The following SLC7A2 variants were observed in gnomAD, a reference collection of about 807,000 sequenced individuals.
SLC7A2 encodes solute carrier family 7 member 2.
In SLC7A2, 48 loss-of-function variants were observed where a neutral mutation model predicts 58.9. That is an observed-to-expected ratio of 0.82 (90% CI 0.65 to 1.04). The LOEUF (loss-of-function observed/expected upper bound fraction) is 1.04, where lower values mean the gene tolerates loss of function less well. Among genes scored for constraint, SLC7A2 ranks in the 50% least tolerant of loss-of-function variants. The pLI is 0.00. For synonymous variants in SLC7A2, 363 were observed against 314.5 expected (o/e 1.15, Z -1.63); for missense variants, 1,029 against 818.8 (o/e 1.26, Z -3.13).
At chr8:17,545,545 G>A (rs190933635) in intron 4 of SLC7A2, among the ~76,000 whole-genome samples, 1,531 of 151,318 alleles carry the variant, frequency 0.01, 17 homozygotes, top group African/African-American at 0.035. Flanking sequence ...CTACAGGTGC[G>A]CGCCACCGCA....
Position 17,567,573 on chromosome 8 carries a change from T to C in SLC7A2, c.*2427T>C, listed in dbSNP as rs1803323775. Reference sequence around the variant, plus strand: ...ATATGTTTGTATGAGTGTATATATATATCTGTGTGTGTGTATCTCTAACGT... The same window carrying C: ...ATATGTTTGTATGAGTGTATATATACATCTGTGTGTGTGTATCTCTAACGT... On this transcript the variant is annotated 3_prime_UTR_variant, in exon 13 of 13. Coordinates refer to ENST00000494857, the MANE Select transcript of SLC7A2 (RefSeq NM_001370338.1). 6.6e-6 allele frequency: 1 copy of C among 152,644 alleles called. No homozygotes were observed. The highest frequency in any genetic ancestry group is 2.4e-5 in the African/African-American group (1 of 41,450). The allele number at this position is 152,644 out of a possible 1,614,324, so 9.5% of individuals were successfully genotyped here.
intron 2 of SLC7A2, among the ~76,000 whole-genome samples, chr8:17,529,523 T>G (rs1801352640): frequency 8.0e-6 from 1 of 124,716 alleles, no homozygotes; most frequent in Admixed American, 8.1e-5. Flanking sequence ...TTTTTGGTTT[T>G]GTTTTTTTGT....
At chr8:17,509,351 G>A (rs897276365) in intron 2 of SLC7A2, among the ~76,000 whole-genome samples, 5 of 152,018 alleles carry the variant, frequency 3.3e-5, no homozygotes, top group African/African-American at 9.7e-5. Context: ...TCTGTCGCCC[G>A]TTGGAGTGCA....
At chr8:17,531,231 G>A (rs935963918) in intron 2 of SLC7A2, among the ~76,000 whole-genome samples, 1 of 152,168 alleles carries the variant, frequency 6.6e-6, no homozygotes, top group African/African-American at 2.4e-5. Flanking sequence ...GGGAGGAAGG[G>A]AGTTTCTCTC....
upstream of SLC7A2, among the ~76,000 whole-genome samples, chr8:17,495,161 T>C (rs1799927002): frequency 6.6e-6 from 1 of 152,260 alleles, no homozygotes; most frequent in Non-Finnish European, 1.5e-5. Context: ...TTTTAATCAA[T>C]GTTGACCAGG....
chr8:17,519,394 A>G (rs945059751), intron 2 of SLC7A2, among the ~76,000 whole-genome samples: 1 of 152,018 alleles, frequency 6.6e-6, no homozygotes, highest in Admixed American at 6.6e-5. Flanking sequence ...ACTTATCAGA[A>G]CTCTTCTGAA....
At chr8:17,513,844 T>C (rs1362409071) in intron 2 of SLC7A2, among the ~76,000 whole-genome samples, 9 of 152,336 alleles carry the variant, frequency 5.9e-5, no homozygotes, top group African/African-American at 2.2e-4. Flanking sequence ...GATTAAGTTA[T>C]AGGTAAGTGG....
chr8:17,543,214 ACAAACAC>A, intron 2 of SLC7A2, 97 bp from the exon 3 acceptor site: 1 of 987,038 alleles, frequency 1.0e-6, no homozygotes, highest in Non-Finnish European at 1.5e-6. Context: ...ACACACACAC[ACAAACAC>A]ACACACACAC....
intron 10 of SLC7A2, among the ~76,000 whole-genome samples, chr8:17,561,183 C>T (rs1802963464): frequency 6.6e-6 from 1 of 152,096 alleles, no homozygotes; most frequent in Non-Finnish European, 1.5e-5. Flanking sequence ...TATTTTTGCA[C>T]ATTAGCAGTC....
At chr8:17,562,653 T>C (rs1164080195) in intron 11 of SLC7A2, among the ~76,000 whole-genome samples, 1 of 152,178 alleles carries the variant, frequency 6.6e-6, no homozygotes, top group African/African-American at 2.4e-5. Flanking sequence ...ATGTTCCTTT[T>C]TGTACAGAAT....
intron 2 of SLC7A2, among the ~76,000 whole-genome samples, chr8:17,537,307 C>G (rs923701400): frequency 6.6e-6 from 1 of 152,174 alleles, no homozygotes; most frequent in African/African-American, 2.4e-5. Context: ...CTCCTCAAGC[C>G]TCCCAAAGTG....
At chr8:17,532,241 A>AACAAAAAAAAC (rs1801485164) in intron 2 of SLC7A2, among the ~76,000 whole-genome samples, 3 of 110,576 alleles carry the variant, frequency 2.7e-5, no homozygotes, top group African/African-American at 3.1e-5. Flanking sequence ...AAAAAAAAAA[A>AACAAAAAAAAC]AAAAAAAAAA....
chr8:17,562,389 G>C (rs1256218860), intron 11 of SLC7A2, among the ~76,000 whole-genome samples: 1 of 151,862 alleles, frequency 6.6e-6, no homozygotes, highest in Non-Finnish European at 1.5e-5. Flanking sequence ...ATTTTTAGAA[G>C]ACATGGGATT....
At chr8:17,534,977 A>G (rs535136504) in intron 2 of SLC7A2, among the ~76,000 whole-genome samples, 13 of 152,076 alleles carry the variant, frequency 8.5e-5, no homozygotes, top group African/African-American at 3.1e-4. Flanking sequence ...AGAGCAGCTA[A>G]GAGTCCCTTG....
chr8:17,494,858 CT>C, upstream of SLC7A2, among the ~76,000 whole-genome samples: 5 of 152,272 alleles, frequency 3.3e-5, no homozygotes, highest in South Asian at 1.0e-3. Flanking sequence ...AGAATTTGCT[CT>C]TTTTTTGCTT....
intron 2 of SLC7A2, among the ~76,000 whole-genome samples, chr8:17,507,799 T>C (rs1015396247): frequency 6.6e-6 from 1 of 152,162 alleles, no homozygotes; most frequent in Non-Finnish European, 1.5e-5. Context: ...TTCAAAGAGA[T>C]ATTTGAAGCT....
Position 17,568,887 on chromosome 8 carries a change from C to T in SLC7A2, c.*3741C>T, listed in dbSNP as rs111552587. On this transcript the variant is annotated 3_prime_UTR_variant, in exon 13 of 13. Coordinates refer to ENST00000494857, the MANE Select transcript of SLC7A2 (RefSeq NM_001370338.1). The stretch of plus-strand genomic sequence containing the variant: ...GCTGAGGTGGGAGGATCGCTTGAGC[C>T]CAGGAGAGTGAGGCTGCAGTGAGCT... The T allele has an allele frequency of 0.06, 9,073 of 152,018 alleles. 368 individuals are homozygous for T. The highest frequency in any genetic ancestry group is 0.088 in the Non-Finnish European group (5,987 of 68,004). 9.4% of individuals were successfully genotyped at this position (152,018 alleles called of 1,614,324 possible).
Position 17,544,593 on chromosome 8 carries a change from A to C in SLC7A2, c.519A>C (p.Ile173=), listed in dbSNP as rs1474861742. The C allele has an allele frequency of 6.2e-7, 1 of 1,613,840 alleles. No individual in the cohort carries two copies. Residue 173 remains isoleucine (I), a synonymous_variant, in exon 4 of 13, where the codon ATA becomes ATC. Transcript: ENST00000494857. ...CCGATTTTTTTGCTGTGTGCCTTAT[A>C]TTACTTCTAGCAGGTAAGAAAACCA... is the stretch of plus-strand genomic sequence containing the variant. ...EYPDFFAVCL[I]LLLAGLLSFG...
chr8:17,563,744 T>C, intron 12 of SLC7A2, 33 bp downstream of exon 12: 1 of 1,267,358 alleles, frequency 7.9e-7, no homozygotes, highest in Non-Finnish European at 1.2e-6. Flanking sequence ...CTCTTTCCTA[T>C]TTCATGTGCT....
Sources: gnomAD v4.1 joint callset for allele counts (sites outside exome capture counted in the v4.1 genomes callset) on GRCh38, gnomAD v4.1.1 for gene constraint, MANE v1.5 for transcripts, NCBI Gene and HGNC (gene_info 2026-07-23, HGNC 2026-07-21) for gene names.